Variants in STAB2 observed in about 807,000 individuals in gnomAD.
STAB2 encodes stabilin 2.
In STAB2, 288 loss-of-function variants were observed where a neutral mutation model predicts 338.1. The ratio of observed to expected loss-of-function variants is 0.85; its 90% confidence interval spans 0.77 to 0.94. The LOEUF (loss-of-function observed/expected upper bound fraction) is 0.94. Among genes scored for constraint, STAB2 ranks in the 40% least tolerant of loss-of-function variants. STAB2 has a pLI of 0.00. For missense variants in STAB2, 3,141 were observed against 3,210.1 expected, an observed-to-expected ratio of 0.98 and a Z score of 0.52; for synonymous variants, 1,202 against 1,193.3, an observed-to-expected ratio of 1.01 and a Z score of -0.15.
Position 103,638,212 on chromosome 12 carries a change from G to A in STAB2, c.906G>A (p.Gln302=), listed in dbSNP as rs761613744. 6.8e-6 allele frequency: 11 copies of A among 1,612,492 alleles called. No individual in the cohort carries two copies. Among genetic ancestry groups the A allele is most frequent in the Non-Finnish European group, 9.3e-6 (11 of 1,178,914 alleles). The change falls in exon 8 of 69, where the codon CAG becomes CAA. Residue 302 remains glutamine, a splice_region_variant and synonymous_variant. Transcript: ENST00000388887. ...TGTGCAAATATGATGGGCCTGGACA[G>A]GTGAGCAAATGATGCAGGGAACTGA... ...STVCKYDGPG[Q]SHCECKEHYQ... is the part of the protein sequence containing the mutation.
intron 42 of STAB2, among the ~76,000 whole-genome samples, chr12:103,714,673 T>G (rs1231119842): frequency 1.3e-5 from 2 of 148,400 alleles, no homozygotes; most frequent in Non-Finnish European, 1.5e-5. Context: ...GGCGATGGAG[T>G]GAGACTCCAT....
chr12:103,641,806 A>G (rs1872946921), intron 9 of STAB2, among the ~76,000 whole-genome samples: 1 of 152,206 alleles, frequency 6.6e-6, no homozygotes, highest in African/African-American at 2.4e-5. Flanking sequence ...TGTATCACCC[A>G]CAAACCTTCC....
chr12:103,623,554 G>C (rs1220716731), intron 5 of STAB2, among the ~76,000 whole-genome samples: 2 of 152,130 alleles, frequency 1.3e-5, no homozygotes, highest in African/African-American at 4.8e-5. Flanking sequence ...AGAAGGAAGA[G>C]CCATGAGCCA....
At chr12:103,668,850 G>A in intron 20 of STAB2, 121 bp downstream of exon 20, 1 of 815,890 alleles carries the variant, frequency 1.2e-6, no homozygotes, top group South Asian at 1.8e-5. Flanking sequence ...TTGTCTTCCT[G>A]CAGAGGAATC....
Position 103,738,853 on chromosome 12 carries a change from T to C in STAB2, c.5698-559T>C, listed in dbSNP as rs866559810. 1.4e-4 allele frequency among the ~76,000 whole-genome samples: 22 copies of C among 152,228 alleles called. 1 individual carries two copies. Among genetic ancestry groups the C allele is most frequent in the Admixed American group, 8.5e-4 (13 of 15,282 alleles). ...AGCATATGCCTGTAAGACACTGCCC[T>C]GGTCCAGCTCTGTATAACAGATTTT... On this transcript the variant is annotated intron_variant, in intron 53 of 68. Transcript: ENST00000388887.
intron 44 of STAB2, 104 bp downstream of exon 44, chr12:103,717,945 C>T (rs1233864350): frequency 2.6e-6 from 3 of 1,137,016 alleles, no homozygotes; most frequent in Admixed American, 3.6e-5. Flanking sequence ...CCTCTGGAGG[C>T]CTCAGAGCTG....
At chr12:103,634,826 G>A (rs754687719) in intron 6 of STAB2, among the ~76,000 whole-genome samples, 3 of 152,204 alleles carry the variant, frequency 2.0e-5, no homozygotes, top group Non-Finnish European at 4.4e-5. Flanking sequence ...TCTGCTTCCT[G>A]CCATCACAGA....
intron 61 of STAB2, 92 bp downstream of exon 61, chr12:103,753,445 C>T: frequency 1.9e-6 from 3 of 1,568,520 alleles, no homozygotes; most frequent in East Asian, 2.3e-5. Context: ...TGAGCTGTTG[C>T]CTTCAAGCAA....
chr12:103,707,925 C>G (rs886952611), intron 38 of STAB2, among the ~76,000 whole-genome samples: 4 of 152,166 alleles, frequency 2.6e-5, no homozygotes, highest in African/African-American at 9.7e-5. Flanking sequence ...GTAGATGACC[C>G]TGATGGGATT....
At chr12:103,663,227 A>T (rs1174802653) in intron 18 of STAB2, among the ~76,000 whole-genome samples, 1 of 152,222 alleles carries the variant, frequency 6.6e-6, no homozygotes, top group Non-Finnish European at 1.5e-5. Context: ...CTGCCCAGGA[A>T]TATTGGCTCC....
At chr12:103,707,832 G>A (rs951414937) in intron 38 of STAB2, among the ~76,000 whole-genome samples, 8 of 152,166 alleles carry the variant, frequency 5.3e-5, no homozygotes, top group East Asian at 1.9e-4. Flanking sequence ...ATATTTACTT[G>A]GAATTACAGT....
intron 5 of STAB2, among the ~76,000 whole-genome samples, chr12:103,625,758 T>C (rs1317471840): frequency 6.6e-6 from 1 of 152,250 alleles, no homozygotes; most frequent in Non-Finnish European, 1.5e-5. Flanking sequence ...CAGTCTATCA[T>C]TGTTGGACAT....
At position 103,662,945 on chromosome 12, in the gene STAB2, A is replaced by G; in HGVS notation, c.1969A>G (p.Ile657Val). 1 of 1,614,168 alleles carries G rather than the reference A, an allele frequency of 6.2e-7. No homozygotes were observed. Residue 657 changes from isoleucine to valine, a missense_variant, in exon 18 of 69, where the codon ATT becomes GTT. By Grantham distance (29) the Ile-to-Val change is conservative. Transcript: ENST00000388887. The stretch of plus-strand genomic sequence containing the variant: ...GACAGGAGTTCTCATTCCTCCCTCC[A>G]TTGTCCCGATTCTGCCCCATCGATG... ...TLTGVLIPPS[I>V]VPILPHRCDE...
chr12:103,744,461 CTTTTTT>C (rs3035275), intron 56 of STAB2, among the ~76,000 whole-genome samples: 35 of 122,436 alleles, frequency 2.9e-4, no homozygotes, highest in East Asian at 4.9e-4. Context: ...CACAATTTTA[CTTTTTT>C]TTTTTTTTTT....
At chr12:103,618,438 C>T (rs773355187) in intron 3 of STAB2, among the ~76,000 whole-genome samples, 27 of 152,188 alleles carry the variant, frequency 1.8e-4, no homozygotes, top group Admixed American at 1.3e-4. Flanking sequence ...TGTTTATAAG[C>T]CACCCAGTCT....
At chr12:103,726,351 G>T (rs955101038) in intron 46 of STAB2, among the ~76,000 whole-genome samples, 188 bp downstream of exon 46, 1 of 152,188 alleles carries the variant, frequency 6.6e-6, no homozygotes, top group African/African-American at 2.4e-5. Context: ...GATTAGCTGG[G>T]CATGGTGGCG....
rs138386227 is a variant in STAB2, at chr12:103,747,868, G to T, written c.6245-1095G>T. 9.3e-3 allele frequency among the ~76,000 whole-genome samples: 1,418 copies of T among 152,032 alleles called. 21 individuals carry two copies. Among genetic ancestry groups the T allele is most frequent in the African/African-American group, 0.033 (1,355 of 41,462 alleles). On this transcript the variant is annotated intron_variant, in intron 58 of 68. Coordinates refer to ENST00000388887, the MANE Select transcript of STAB2 (RefSeq NM_017564.10). ...AAATTAGCCGGGCATGGTGACAGGT[G>T]CCTGTAATCCCAGCTACTTGGGAGG...
chr12:103,748,253 A>G (rs1261801671), intron 58 of STAB2, among the ~76,000 whole-genome samples: 2 of 152,170 alleles, frequency 1.3e-5, no homozygotes, highest in East Asian at 1.9e-4. Flanking sequence ...CATCCTTAGA[A>G]TGAGTCTTCT....
intron 7 of STAB2, 129 bp from the exon 8 acceptor site, chr12:103,637,887 G>A: frequency 3.1e-6 from 3 of 963,760 alleles, no homozygotes; most frequent in Non-Finnish European, 4.7e-6. Flanking sequence ...AGGGGGAAAT[G>A]AAAGGAAATG....
Sources: gnomAD v4.1 joint callset for allele counts (sites outside exome capture counted in the v4.1 genomes callset) on GRCh38, gnomAD v4.1.1 for gene constraint, MANE v1.5 for transcripts, NCBI Gene and HGNC (gene_info 2026-07-23, HGNC 2026-07-21) for gene names.